CAP2: variants seen among roughly 807,000 people sequenced by gnomAD.
CAP2 encodes the protein adenylyl cyclase-associated protein 2.
A neutral mutation model predicts 57.7 loss-of-function variants in CAP2; 24 were observed. That is an observed-to-expected ratio of 0.42 (90% CI 0.30 to 0.58). The LOEUF (loss-of-function observed/expected upper bound fraction) is 0.58. CAP2 is among the 20% of genes least tolerant of loss of function. The pLI is 0.22. For synonymous variants in CAP2, 194 were observed against 207.2 expected (o/e 0.94, Z 0.55); for missense variants, 501 against 590.3 (o/e 0.85, Z 1.57).
rs117599571 is a variant in CAP2 at position 17,484,863 on chromosome 6, C to G, written c.300+21790C>G. Among the ~76,000 whole-genome samples the G allele has an allele frequency of 4.6e-5, 7 of 152,316 alleles. No homozygotes were observed. The East Asian group carries it at 1.2e-3, about 25-fold the overall frequency. The stretch of plus-strand genomic sequence containing the variant: ...ATGAAGATGCATTGTGTCATTGTCT[C>G]AGGATCCTCGTCCTGTTGCTTCTCT... On this transcript the variant is annotated intron_variant, in intron 4 of 12. Coordinates refer to ENST00000229922, the MANE Select transcript of CAP2 (RefSeq NM_006366.3).
At chr6:17,441,765 G>A (rs1289645947) in intron 3 of CAP2, among the ~76,000 whole-genome samples, 1 of 152,210 alleles carries the variant, frequency 6.6e-6, no homozygotes, top group African/African-American at 2.4e-5. Context: ...GATTACAGGA[G>A]CGAGCCACGG....
At chr6:17,480,617 C>G (rs1761263474) in intron 4 of CAP2, among the ~76,000 whole-genome samples, 3 of 152,056 alleles carry the variant, frequency 2.0e-5, no homozygotes, top group Non-Finnish European at 4.4e-5. Context: ...CTGGGACTTG[C>G]AAGAGAAGCA....
intron 1 of CAP2, among the ~76,000 whole-genome samples, chr6:17,419,694 T>A (rs1759381243): frequency 6.6e-6 from 1 of 151,894 alleles, no homozygotes; most frequent in Non-Finnish European, 1.5e-5. Context: ...CGCCATTTTT[T>A]TTTTTCCTAG....
chr6:17,404,385 C>G (rs1005252073), intron 1 of CAP2, among the ~76,000 whole-genome samples: 15 of 152,266 alleles, frequency 9.9e-5, no homozygotes, highest in African/African-American at 3.4e-4. Flanking sequence ...GCGGGCAGAT[C>G]ACGAGGTCAG....
chr6:17,412,518 A>G (rs554098859), intron 1 of CAP2, among the ~76,000 whole-genome samples: 2 of 152,292 alleles, frequency 1.3e-5, no homozygotes, highest in African/African-American at 2.4e-5. Context: ...AAGATTCTCT[A>G]ATCCCCAGAG....
chr6:17,412,310 C>T (rs1052322288), intron 1 of CAP2, among the ~76,000 whole-genome samples: 1 of 152,162 alleles, frequency 6.6e-6, no homozygotes, highest in Admixed American at 6.5e-5. Flanking sequence ...ACCTGTGTAG[C>T]CCCAAGCCAG....
chr6:17,499,300 G>A (rs552552929), intron 4 of CAP2, among the ~76,000 whole-genome samples: 133 of 149,440 alleles, frequency 8.9e-4, no homozygotes, highest in African/African-American at 3.1e-3. Flanking sequence ...TCAGGAGGCT[G>A]AGGCAGGAGA....
rs935054432 is a variant in CAP2 at position 17,514,583 on chromosome 6, C to A, written c.636+629C>A. Among the ~76,000 whole-genome samples, 4 of 152,130 alleles carry A rather than the reference C, an allele frequency of 2.6e-5. No individual in the cohort carries two copies. The South Asian group carries it at 8.3e-4, about 32-fold the overall frequency. On this transcript the variant is annotated intron_variant, in intron 7 of 12. Transcript: ENST00000229922. Reference sequence around the variant, plus strand: ...TGGTCAACATAGTGAAACCCCATCTCTACTAAAAATACTAAAATTAGCTGG... The same window carrying A: ...TGGTCAACATAGTGAAACCCCATCTATACTAAAAATACTAAAATTAGCTGG...
chr6:17,500,340 A>AATATACAT (rs1761775039), intron 4 of CAP2, among the ~76,000 whole-genome samples: 1 of 33,024 alleles, frequency 3.0e-5, no homozygotes, highest in Non-Finnish European at 6.8e-5. Context: ...TGTGTGTCCA[A>AATATACAT]ATATATATAT....
At chr6:17,467,506 A>C (rs993500457) in intron 4 of CAP2, among the ~76,000 whole-genome samples, 7 of 152,136 alleles carry the variant, frequency 4.6e-5, no homozygotes, top group African/African-American at 1.4e-4. Flanking sequence ...TGTTGCAAGC[A>C]ACCCAATTAT....
At chr6:17,395,959 A>G (rs1320544685) in intron 1 of CAP2, among the ~76,000 whole-genome samples, 2 of 152,216 alleles carry the variant, frequency 1.3e-5, no homozygotes, top group African/African-American at 2.4e-5. Flanking sequence ...CTCAATAATA[A>G]AAAGAAAAAT....
At chr6:17,477,206 G>T (rs1169214943) in intron 4 of CAP2, among the ~76,000 whole-genome samples, 1 of 152,128 alleles carries the variant, frequency 6.6e-6, no homozygotes, top group Non-Finnish European at 1.5e-5. Context: ...ATCTTTTGCA[G>T]CCTCCAAGGC....
intron 7 of CAP2, among the ~76,000 whole-genome samples, chr6:17,530,241 C>T (rs1380270435): frequency 1.3e-5 from 2 of 152,106 alleles, no homozygotes; most frequent in African/African-American, 4.8e-5. Context: ...CCACCACACC[C>T]GGCTAATTTT....
chr6:17,445,521 C>T (rs1367905887), intron 3 of CAP2, among the ~76,000 whole-genome samples: 3 of 152,098 alleles, frequency 2.0e-5, no homozygotes, highest in Non-Finnish European at 2.9e-5. Context: ...AAAATGATAG[C>T]GATCGGGCAA....
At chr6:17,500,340 A>AATATATATATATAT (rs4052821) in intron 4 of CAP2, among the ~76,000 whole-genome samples, 1,164 of 32,918 alleles carry the variant, frequency 0.035, 163 homozygotes, top group Non-Finnish European at 0.045. Flanking sequence ...TGTGTGTCCA[A>AATATATATATATAT]ATATATATAT....
At chr6:17,468,828 G>C (rs560631951) in intron 4 of CAP2, among the ~76,000 whole-genome samples, 1 of 152,154 alleles carries the variant, frequency 6.6e-6, no homozygotes, top group Non-Finnish European at 1.5e-5. Flanking sequence ...GTTCTCAAAC[G>C]TAAAAAACAA....
chr6:17,449,536 A>G (rs1053277121), intron 3 of CAP2, among the ~76,000 whole-genome samples: 5 of 151,296 alleles, frequency 3.3e-5, no homozygotes, highest in African/African-American at 1.2e-4. Context: ...CCTCCCAGCT[A>G]GCTGGGATTA....
chr6:17,451,365 G>T (rs1472733972), intron 3 of CAP2, among the ~76,000 whole-genome samples: 2 of 152,050 alleles, frequency 1.3e-5, no homozygotes, highest in Non-Finnish European at 2.9e-5. Flanking sequence ...CAAACCTCCT[G>T]TCCAGGTTGG....
At chr6:17,465,058 A>C (rs1343618921) in intron 4 of CAP2, among the ~76,000 whole-genome samples, 1 of 152,240 alleles carries the variant, frequency 6.6e-6, no homozygotes, top group Admixed American at 6.5e-5. Flanking sequence ...TGAACAATGG[A>C]TGAATGCATT....
Sources: gnomAD v4.1 joint callset for allele counts (sites outside exome capture counted in the v4.1 genomes callset) on GRCh38, gnomAD v4.1.1 for gene constraint, MANE v1.5 for transcripts, NCBI Gene and HGNC (gene_info 2026-07-23, HGNC 2026-07-21) for gene names.